Variants in PRIM2 observed in about 807,000 individuals in gnomAD.
PRIM2 encodes the protein DNA primase subunit 2.
PRIM2 carries 39 observed loss-of-function variants against 67.3 expected under a neutral mutation model. That is an observed-to-expected ratio of 0.58 (90% CI 0.45 to 0.76). The LOEUF is 0.76. PRIM2 is among the 30% of genes least tolerant of loss of function. The pLI, the probability that PRIM2 is intolerant of heterozygous loss-of-function variation, is 0.00. For missense variants in PRIM2, 398 were observed against 598.7 expected (o/e 0.66, Z 3.50); for synonymous variants, 143 against 198.7 (o/e 0.72, Z 2.36).
chr6:57,421,656 G>A (rs1332970514), intron 7 of PRIM2, among the ~76,000 whole-genome samples: 1 of 152,128 alleles, frequency 6.6e-6, no homozygotes, highest in Non-Finnish European at 1.5e-5. Context: ...TTCAGTGATA[G>A]CTATTTGCAT....
chr6:57,577,118 G>C (rs1418662631), intron 10 of PRIM2, among the ~76,000 whole-genome samples: 1 of 152,116 alleles, frequency 6.6e-6, no homozygotes, highest in Non-Finnish European at 1.5e-5. Context: ...AGCCTCTGCT[G>C]CTTTTTTAGC....
At chr6:57,509,922 A>G (rs1554347548) in intron 8 of PRIM2, among the ~76,000 whole-genome samples, 5 of 151,174 alleles carry the variant, frequency 3.3e-5, no homozygotes, top group Non-Finnish European at 7.4e-5. Flanking sequence ...GTATATACAT[A>G]CGCAAATCTA....
intron 10 of PRIM2, among the ~76,000 whole-genome samples, chr6:57,585,231 A>G (rs1346060207): frequency 2.6e-5 from 4 of 152,246 alleles, no homozygotes; most frequent in African/African-American, 9.6e-5. Flanking sequence ...GACCTACTCA[A>G]GATAGCTTTT....
At chr6:57,539,652 GTGTGTATATATA>G (rs1229213771) in intron 10 of PRIM2, among the ~76,000 whole-genome samples, 4,143 of 68,058 alleles carry the variant, frequency 0.061, 64 homozygotes, top group African/African-American at 0.068. Flanking sequence ...GTGTGTGTGT[GTGTGTATATATA>G]TATATATATG....
the PRIM2 span, among the ~76,000 whole-genome samples, chr6:57,233,138 A>C: frequency 6.6e-6 from 1 of 152,192 alleles, no homozygotes; most frequent in Non-Finnish European, 1.5e-5. Context: ...TTATGTTTTA[A>C]ATTGATATCT....
intron 5 of PRIM2, among the ~76,000 whole-genome samples, chr6:57,340,339 A>G (rs535243151): frequency 1.1e-4 from 16 of 152,316 alleles, no homozygotes; most frequent in Non-Finnish European, 1.2e-4. Context: ...CATTTGACCC[A>G]GCCATCCCAT....
intron 10 of PRIM2, among the ~76,000 whole-genome samples, chr6:57,577,854 A>G (rs1237728666): frequency 6.6e-6 from 1 of 152,228 alleles, no homozygotes; most frequent in Non-Finnish European, 1.5e-5. Context: ...TTATTCAACT[A>G]TCAGAATCAA....
chr6:57,469,922 A>T (rs1773295856), intron 7 of PRIM2, among the ~76,000 whole-genome samples: 1 of 152,168 alleles, frequency 6.6e-6, no homozygotes, highest in Non-Finnish European at 1.5e-5. Flanking sequence ...TCTTTTCTGC[A>T]GTCTCATCTC....
chr6:57,487,496 T>C (rs1222247360), intron 7 of PRIM2, among the ~76,000 whole-genome samples: 2 of 152,226 alleles, frequency 1.3e-5, no homozygotes, highest in Admixed American at 6.5e-5. Flanking sequence ...CCCAAAGTGC[T>C]GGGATTACAG....
intron 7 of PRIM2, among the ~76,000 whole-genome samples, chr6:57,453,498 T>C (rs1228593161): frequency 6.6e-6 from 1 of 152,158 alleles, no homozygotes; most frequent in South Asian, 2.1e-4. Context: ...AAGAGGTCCT[T>C]CACATCCCTT....
the PRIM2 span, among the ~76,000 whole-genome samples, chr6:57,237,390 C>A: frequency 6.6e-6 from 1 of 152,246 alleles, no homozygotes; most frequent in East Asian, 1.9e-4. Flanking sequence ...ATGGTAGTTT[C>A]TTTTGCTGTG....
the PRIM2 span, among the ~76,000 whole-genome samples, chr6:57,253,232 G>A: frequency 5.9e-5 from 9 of 152,208 alleles, no homozygotes; most frequent in Non-Finnish European, 7.4e-5. Flanking sequence ...CAAAGAAACC[G>A]GTGTAATTAG....
intron 7 of PRIM2, among the ~76,000 whole-genome samples, chr6:57,389,512 T>C (rs1770262168): frequency 6.6e-6 from 1 of 152,132 alleles, no homozygotes; most frequent in Admixed American, 6.5e-5. Flanking sequence ...ACACATCTTA[T>C]TTAGATACAG....
the PRIM2 span, among the ~76,000 whole-genome samples, chr6:57,271,068 G>T: frequency 6.6e-6 from 1 of 152,158 alleles, no homozygotes; most frequent in South Asian, 2.1e-4. Context: ...ATGTTCATCA[G>T]GGATATCGGT....
chr6:57,438,278 C>G (rs190204916), intron 7 of PRIM2, among the ~76,000 whole-genome samples: 9 of 152,186 alleles, frequency 5.9e-5, no homozygotes, highest in Admixed American at 2.0e-4. Context: ...AATTCTGCTA[C>G]TTTAAAACAA....
At chr6:57,500,297 C>T (rs1448780553) in intron 7 of PRIM2, among the ~76,000 whole-genome samples, 2 of 152,222 alleles carry the variant, frequency 1.3e-5, no homozygotes, top group African/African-American at 4.8e-5. Flanking sequence ...AGCCGTTCCT[C>T]ACCCTGCTAG....
intron 7 of PRIM2, among the ~76,000 whole-genome samples, chr6:57,454,153 G>A (rs1192523908): frequency 3.3e-5 from 5 of 152,170 alleles, no homozygotes; most frequent in African/African-American, 1.2e-4. Flanking sequence ...GATCATGGTG[G>A]ATAAGCTTTT....
chr6:57,490,496 A>G (rs1218893580), intron 7 of PRIM2, among the ~76,000 whole-genome samples: 27 of 152,374 alleles, frequency 1.8e-4, no homozygotes, highest in Middle Eastern at 6.8e-3. Context: ...AAGGAATAGT[A>G]TAGACTTCAT....
At chr6:57,366,033 A>G (rs910999615) in intron 5 of PRIM2, among the ~76,000 whole-genome samples, 14 of 149,932 alleles carry the variant, frequency 9.3e-5, no homozygotes, top group African/African-American at 3.4e-4. Context: ...TATGTTAGTG[A>G]GGGAGATATA....
Sources: gnomAD v4.1 joint callset for allele counts (sites outside exome capture counted in the v4.1 genomes callset) on GRCh38, gnomAD v4.1.1 for gene constraint, MANE v1.5 for transcripts, NCBI Gene and HGNC (gene_info 2026-07-23, HGNC 2026-07-21) for gene names.